The following EIF2B3 variants were observed in gnomAD, a reference collection of about 807,000 sequenced individuals.
EIF2B3 encodes the protein eukaryotic translation initiation factor 2B subunit gamma.
A neutral mutation model predicts 54.1 loss-of-function variants in EIF2B3; 20 were observed. The ratio of observed to expected loss-of-function variants is 0.37; its 90% CI spans 0.26 to 0.54. EIF2B3 has a LOEUF of 0.54. Among genes scored for constraint, EIF2B3 ranks in the 20% least tolerant of loss-of-function variants. EIF2B3 has a pLI of 0.86. For missense variants in EIF2B3, 448 were observed against 547.8 expected, an observed-to-expected ratio of 0.82 and a Z score of 1.82; for synonymous variants, 153 against 188.1, an observed-to-expected ratio of 0.81 and a Z score of 1.52.
chr1:44,871,044 G>A (rs1654949549), intron 10 of EIF2B3, among the ~76,000 whole-genome samples: 1 of 152,098 alleles, frequency 6.6e-6, no homozygotes. Context: ...CCTCCTGTAC[G>A]TCACCATGCA....
intron 6 of EIF2B3, among the ~76,000 whole-genome samples, chr1:44,882,454 T>C (rs959087783): frequency 2.6e-5 from 4 of 151,892 alleles, no homozygotes; most frequent in Admixed American, 6.6e-5. Flanking sequence ...TTTTTTTTTT[T>C]CTGAGACAGG....
intron 4 of EIF2B3, 148 bp downstream of exon 4, chr1:44,941,358 G>T: frequency 2.3e-6 from 2 of 879,054 alleles, no homozygotes; most frequent in Non-Finnish European, 1.7e-6. Flanking sequence ...TTCAGGGACT[G>T]TGTCTTATTT....
At chr1:44,893,819 T>G (rs564464400) in intron 6 of EIF2B3, among the ~76,000 whole-genome samples, 2 of 146,172 alleles carry the variant, frequency 1.4e-5, no homozygotes, top group South Asian at 4.3e-4. Context: ...GACTAATCTT[T>G]AAGTCTCTTA....
At chr1:44,953,257 A>G (rs897477551) in intron 3 of EIF2B3, among the ~76,000 whole-genome samples, 2 of 149,110 alleles carry the variant, frequency 1.3e-5, no homozygotes, top group African/African-American at 4.9e-5. Context: ...TTTTCATTGA[A>G]AAAAAAGAAA....
chr1:44,913,424 T>C (rs891183399), intron 5 of EIF2B3, among the ~76,000 whole-genome samples: 3 of 151,790 alleles, frequency 2.0e-5, no homozygotes, highest in Non-Finnish European at 2.9e-5. Context: ...ATATTCTTTA[T>C]GGAGAAAAAA....
rs34363661 is a variant in EIF2B3 at position 44,937,883 on chromosome 1, C to CAAAAAAAAAA, written c.454+3613_454+3622dup. On this transcript the variant is annotated intron_variant, in intron 4 of 11. Transcript: ENST00000360403. ...TGGGCGACAGAGCGAGACTCCGTCT[C>CAAAAAAAAAA]AAAAAAAAAAAAAAAAAAAAAAAAA... is the stretch of plus-strand genomic sequence containing the variant. 1.8e-4 allele frequency among the ~76,000 whole-genome samples: 6 copies of CAAAAAAAAAA among 33,558 alleles called. 1 individual carries two copies. The highest frequency in any genetic ancestry group is 2.1e-4 in the Non-Finnish European group (4 of 18,780). 22.0% of individuals were successfully genotyped at this position (33,558 alleles called of 152,430 possible).
intron 3 of EIF2B3, among the ~76,000 whole-genome samples, chr1:44,951,074 A>G (rs1183063169): frequency 6.6e-6 from 1 of 152,162 alleles, no homozygotes; most frequent in Non-Finnish European, 1.5e-5. Context: ...TAACATCCTT[A>G]TGGCTGAGAC....
At position 44,881,755 on chromosome 1, in the gene EIF2B3, G is replaced by A; in HGVS notation, c.657-16C>T. ...AGTTATTGACCTAGAAAGAAAGAAT[G>A]GCCAAATATGAGAAACCTGACTGTC... On this transcript the variant is annotated splice_polypyrimidine_tract_variant and intron_variant, in intron 6 of 11. Transcript: ENST00000360403. This position sits in a 1 kb window ranked among gnomAD's most constrained non-coding sequence, Gnocchi z 4.0. 1.2e-6 allele frequency: 2 copies of A among 1,613,686 alleles called. No homozygotes were observed. The highest frequency in any genetic ancestry group is 2.7e-5 in the African/African-American group (2 of 75,062).
Position 44,980,993 on chromosome 1 carries a change from G to A in EIF2B3, c.148+28C>T, listed in dbSNP as rs750754158. 42 of 1,613,452 alleles carry A rather than the reference G, an allele frequency of 2.6e-5. No homozygotes were observed. In the Admixed American group the frequency reaches 3.2e-4, roughly 12 times the overall value. ...ATCAAATCTCCTAAAAGTTTTATGA[G>A]TTCACAGCTCACTTTGTCATAGCTC... On this transcript the variant is annotated intron_variant, in intron 2 of 11. Coordinates refer to ENST00000360403, the MANE Select transcript of EIF2B3 (RefSeq NM_020365.5).
At chr1:44,960,838 C>T (rs1372749624) in intron 3 of EIF2B3, among the ~76,000 whole-genome samples, 1 of 152,086 alleles carries the variant, frequency 6.6e-6, no homozygotes, top group Non-Finnish European at 1.5e-5. Context: ...ACCAATACCC[C>T]AAAGATACCA....
chr1:44,941,600 C>G lies in EIF2B3; in HGVS notation c.360G>C (p.Leu120=), dbSNP rs371230685. The G allele has an allele frequency of 1.3e-4, 211 of 1,614,000 alleles. No individual in the cohort carries two copies. Among genetic ancestry groups the G allele is most frequent in the Non-Finnish European group, 1.4e-4 (164 of 1,180,030 alleles). Residue 120 remains leucine (L), a synonymous_variant, in exon 4 of 12, where the codon CTG becomes CTC. Transcript: ENST00000360403. ...CAAGTGATGCATCATAAGCTCTAAA[C>G]AGGTCCACAACCTCATGTAAGGCAA... is the stretch of plus-strand genomic sequence containing the variant. ...TDVALHEVVD[L]FRAYDASLAM...
chr1:44,962,807 T>C lies in EIF2B3; in HGVS notation c.294+15508A>G, dbSNP rs187793738. ...CTTGCTTCCGGCTGTCATTCATTCA[T>C]TCAACAAATAATATTGGACAAACTC... On this transcript the variant is annotated intron_variant, in intron 3 of 11. Coordinates refer to ENST00000360403, the MANE Select transcript of EIF2B3 (RefSeq NM_020365.5). Among the ~76,000 whole-genome samples, 270 of 152,332 alleles carry C rather than the reference T, an allele frequency of 1.8e-3. 1 individual carries two copies. Among genetic ancestry groups the C allele is most frequent in the Non-Finnish European group, 2.5e-3 (169 of 68,030 alleles).
At chr1:44,855,251 A>T (rs1270025997) in intron 11 of EIF2B3, among the ~76,000 whole-genome samples, 6 of 152,104 alleles carry the variant, frequency 3.9e-5, no homozygotes, top group African/African-American at 1.4e-4. Flanking sequence ...CCCAGACAAG[A>T]TGACTTCCCT....
At chr1:44,931,099 A>G (rs1643892699) in intron 4 of EIF2B3, among the ~76,000 whole-genome samples, 1 of 152,188 alleles carries the variant, frequency 6.6e-6, no homozygotes, top group Non-Finnish European at 1.5e-5. Context: ...TGTTACTTCT[A>G]TAATTAGGTT....
chr1:44,875,420 C>G (rs954015881), intron 9 of EIF2B3, among the ~76,000 whole-genome samples, 198 bp downstream of exon 9: 2 of 152,202 alleles, frequency 1.3e-5, no homozygotes, highest in African/African-American at 2.4e-5. Context: ...AGTCCCAACA[C>G]TATAATGGAC....
At chr1:44,973,393 G>A (rs532051905) in intron 3 of EIF2B3, among the ~76,000 whole-genome samples, 1 of 152,282 alleles carries the variant, frequency 6.6e-6, no homozygotes, top group South Asian at 2.1e-4. Flanking sequence ...TCTGCAGTAT[G>A]CTACAATATG....
chr1:44,976,058 G>A (rs1644450110), intron 3 of EIF2B3, among the ~76,000 whole-genome samples: 1 of 152,178 alleles, frequency 6.6e-6, no homozygotes, highest in Non-Finnish European at 1.5e-5. Flanking sequence ...CAGATGGGCA[G>A]AGATTTCTTA....
chr1:44,973,598 G>T (rs1208323169), intron 3 of EIF2B3, among the ~76,000 whole-genome samples: 1 of 152,138 alleles, frequency 6.6e-6, no homozygotes, highest in South Asian at 2.1e-4. Context: ...CAGCTACTCA[G>T]GAGGCTGAGG....
At chr1:44,853,106 G>C (rs1654326074) in intron 11 of EIF2B3, among the ~76,000 whole-genome samples, 1 of 152,060 alleles carries the variant, frequency 6.6e-6, no homozygotes, top group Non-Finnish European at 1.5e-5. Context: ...ATAAATGTAG[G>C]GAAGTACCCT....
Sources: allele counts gnomAD v4.1 joint callset (sites outside exome capture counted in the v4.1 genomes callset), GRCh38; gene constraint gnomAD v4.1.1; non-coding constraint Gnocchi (gnomAD v3.1); transcripts MANE v1.5; gene names NCBI Gene and HGNC (gene_info 2026-07-23, HGNC 2026-07-21).